MYO18B: variants seen among roughly 807,000 people sequenced by gnomAD.
The protein encoded by MYO18B is unconventional myosin-XVIIIb.
Under a neutral mutation model 273.0 loss-of-function variants are expected in MYO18B, and 204 were observed. The ratio of observed to expected loss-of-function variants is 0.75; its 90% confidence interval spans 0.67 to 0.84. The LOEUF (loss-of-function observed/expected upper bound fraction) is 0.84, where lower values mean the gene tolerates loss of function less well. Among genes scored for constraint, MYO18B ranks in the 40% least tolerant of loss-of-function variants. The pLI is 0.00. For missense variants in MYO18B, 3,212 were observed against 3,287.6 expected (o/e 0.98, Z 0.56); for synonymous variants, 1,330 against 1,305.7 (o/e 1.02, Z -0.40).
intron 11 of MYO18B, among the ~76,000 whole-genome samples, chr22:25,792,867 A>G (rs5996978): frequency 0.21 from 32,141 of 152,176 alleles, 3,830 homozygotes; most frequent in Middle Eastern, 0.27. Context: ...GGTTGGTTGT[A>G]GAAACATCCT....
chr22:25,753,751 T>G (rs1485689114), intron 1 of MYO18B, among the ~76,000 whole-genome samples: 1 of 152,196 alleles, frequency 6.6e-6, no homozygotes, highest in Non-Finnish European at 1.5e-5. Context: ...CCTGCAGCTT[T>G]ACTCCTGAAG....
At chr22:25,761,490 G>C (rs936195868) in intron 2 of MYO18B, among the ~76,000 whole-genome samples, 2 of 152,200 alleles carry the variant, frequency 1.3e-5, no homozygotes, top group East Asian at 3.9e-4. Flanking sequence ...ATGGGGGACA[G>C]AGGCAGGGCT....
At chr22:25,998,641 C>T (rs1187336605) in intron 40 of MYO18B, among the ~76,000 whole-genome samples, 3 of 152,202 alleles carry the variant, frequency 2.0e-5, no homozygotes, top group Non-Finnish European at 2.9e-5. Context: ...TTAATTTATT[C>T]ATGAGTGGAC....
Position 25,826,550 on chromosome 22 carries a change from A to G in MYO18B, c.2786+51A>G, listed in dbSNP as rs2089499645. The G allele has an allele frequency of 2.7e-6, 4 of 1,484,360 alleles. No individual in the cohort carries two copies. The South Asian group carries it at 3.5e-5, about 13-fold the overall frequency. The allele number at this position is 1,484,360 out of a possible 1,614,324, so 91.9% of individuals were successfully genotyped here. A position where few individuals can be genotyped will look rare whatever the true frequency, so the allele number is the denominator to read the frequency against. On this transcript the variant is annotated intron_variant, in intron 14 of 43. Transcript: ENST00000335473. ...CAGTTGGCCTCTTGCAGGTGCACAG[A>G]TGAATTCACATACCGGGCAGTTGAA...
chr22:25,990,707 AAAAAAAAAAAAAAG>A (rs2093258356), intron 39 of MYO18B, among the ~76,000 whole-genome samples: 1 of 37,238 alleles, frequency 2.7e-5, no homozygotes, highest in East Asian at 2.8e-4. Flanking sequence ...AAAAAAAAAA[AAAAAAAAAAAAAAG>A]AAAAAGAAAA....
chr22:25,835,869 A>T, intron 17 of MYO18B, among the ~76,000 whole-genome samples: 1 of 152,256 alleles, frequency 6.6e-6, no homozygotes, highest in East Asian at 1.9e-4. Flanking sequence ...TTCTGGGCTC[A>T]GACTGCAGAG....
rs1282205198 is a variant in MYO18B at position 26,003,285 on chromosome 22, G to A, written c.6308G>A (p.Cys2103Tyr). ...ACTAGTGTCCAGACGGCAGTGGATT[G>A]TGGCAGCAGCGGCCGAAAAGAGATG... ...DTESVQTAVD[C>Y]GSSGRKEMDN... Residue 2103 changes from cysteine to tyrosine, a missense_variant, in exon 41 of 44, where the codon TGT becomes TAT. Transcript: ENST00000335473. 6.2e-7 allele frequency: 1 copy of A among 1,609,410 alleles called. No individual in the cohort carries two copies. The highest frequency in any genetic ancestry group is 2.2e-5 in the East Asian group (1 of 44,702).
intron 1 of MYO18B, among the ~76,000 whole-genome samples, chr22:25,753,248 G>A (rs2085998892): frequency 6.6e-6 from 1 of 152,188 alleles, no homozygotes; most frequent in African/African-American, 2.4e-5. Flanking sequence ...TGGGGGGGGC[G>A]GGGGTTGCTG....
intron 14 of MYO18B, among the ~76,000 whole-genome samples, chr22:25,827,450 G>A (rs900470010): frequency 9.2e-5 from 14 of 152,306 alleles, no homozygotes; most frequent in Non-Finnish European, 5.9e-5. Context: ...GTTTTCCATC[G>A]TTACGCACAA....
intron 1 of MYO18B, chr22:25,756,274 T>C (rs141720582): frequency 1.3e-5 from 2 of 152,238 alleles, no homozygotes; most frequent in Non-Finnish European, 1.5e-5. Flanking sequence ...AAGCCCACAC[T>C]GTGGGAAACT....
chr22:25,920,075 C>G (rs1287451140), intron 33 of MYO18B, among the ~76,000 whole-genome samples: 1 of 152,124 alleles, frequency 6.6e-6, no homozygotes, highest in Non-Finnish European at 1.5e-5. Context: ...GGGTTTAAAG[C>G]CTAGATCTGC....
chr22:25,973,314 G>C (rs2093055301), intron 39 of MYO18B, among the ~76,000 whole-genome samples: 1 of 152,172 alleles, frequency 6.6e-6, no homozygotes, highest in Non-Finnish European at 1.5e-5. Context: ...GAGCACATCT[G>C]CCCTTCAGGG....
chr22:26,058,089 G>T, the MYO18B span, among the ~76,000 whole-genome samples: 1 of 152,180 alleles, frequency 6.6e-6, no homozygotes, highest in South Asian at 2.1e-4. Flanking sequence ...AGGTCCTCAA[G>T]ATGATGTAAA....
intron 27 of MYO18B, chr22:25,892,513 C>T (rs2146287582): frequency 6.6e-6 from 1 of 152,288 alleles, no homozygotes; most frequent in South Asian, 2.1e-4. Flanking sequence ...CTTACTCTCC[C>T]CAGCCTAATG....
At chr22:25,978,907 A>G (rs1157882969) in intron 39 of MYO18B, among the ~76,000 whole-genome samples, 1 of 152,212 alleles carries the variant, frequency 6.6e-6, no homozygotes, top group African/African-American at 2.4e-5. Context: ...AGATTGCTTC[A>G]CTGCACTCCA....
chr22:25,807,570 A>T (rs1569047890), intron 12 of MYO18B, among the ~76,000 whole-genome samples: 1 of 152,164 alleles, frequency 6.6e-6, no homozygotes, highest in Non-Finnish European at 1.5e-5. Flanking sequence ...CCCAGGCTTC[A>T]TGTGGTCTCA....
At chr22:25,888,997 G>A (rs780143815) in intron 25 of MYO18B, among the ~76,000 whole-genome samples, 3 of 151,448 alleles carry the variant, frequency 2.0e-5, no homozygotes, top group Non-Finnish European at 2.9e-5. Flanking sequence ...CAACAGTACA[G>A]AAATGCATCA....
chr22:25,931,419 G>A (rs1031818836), intron 34 of MYO18B, among the ~76,000 whole-genome samples: 7 of 152,202 alleles, frequency 4.6e-5, no homozygotes, highest in African/African-American at 1.7e-4. Flanking sequence ...CGATATTGAC[G>A]GGGAACATTG....
intron 43 of MYO18B, chr22:26,028,502 AC>A (rs1262027205): frequency 6.6e-6 from 1 of 152,182 alleles, no homozygotes; most frequent in Non-Finnish European, 1.5e-5. Context: ...GGGAACAAGT[AC>A]AAAAATCACA....
Sources: allele counts gnomAD v4.1 joint callset (sites outside exome capture counted in the v4.1 genomes callset), GRCh38; gene constraint gnomAD v4.1.1; transcripts MANE v1.5; gene names NCBI Gene and HGNC (gene_info 2026-07-23, HGNC 2026-07-21).